The following LRRC49 variants were observed in gnomAD, a reference collection of about 807,000 sequenced individuals.
The protein encoded by LRRC49 is leucine-rich repeat-containing protein 49.
Under a neutral mutation model 83.3 loss-of-function variants are expected in LRRC49, and 50 were observed. The ratio of observed to expected loss-of-function variants is 0.60; its 90% CI spans 0.48 to 0.76. The LOEUF (loss-of-function observed/expected upper bound fraction) is 0.76. Ranked by LOEUF, LRRC49 falls within the 30% of genes least tolerant of loss-of-function variation. The pLI is 0.00. For synonymous variants in LRRC49, 286 were observed against 283.3 expected, an observed-to-expected ratio of 1.01 and a Z score of -0.10; for missense variants, 704 against 809.1, an observed-to-expected ratio of 0.87 and a Z score of 1.58.
intron 2 of LRRC49, chr15:70,882,316 G>A (rs2033283000): frequency 3.3e-5 from 24 of 719,452 alleles, no homozygotes; most frequent in Non-Finnish European, 5.4e-5. Context: ...GCAAACTTTT[G>A]CCTTAGAGCT....
At chr15:70,940,882 A>G (rs1466138205) in intron 8 of LRRC49, among the ~76,000 whole-genome samples, 1 of 152,220 alleles carries the variant, frequency 6.6e-6, no homozygotes, top group Non-Finnish European at 1.5e-5. Flanking sequence ...TTATCTACTG[A>G]ACTCCTCTTG....
chr15:70,986,708 G>C (rs1459773105), intron 11 of LRRC49, among the ~76,000 whole-genome samples: 1 of 152,154 alleles, frequency 6.6e-6, no homozygotes, highest in East Asian at 1.9e-4. Context: ...TCCCTGTCTT[G>C]TGCCAGTTTT....
At chr15:70,893,515 T>C (rs1041735980) in intron 1 of LRRC49, 69 bp from the exon 2 acceptor site, 2 of 81,994 alleles carry the variant, frequency 2.4e-5, no homozygotes, top group Non-Finnish European at 1.9e-5. Context: ...TGTTTGTACC[T>C]TTTTTTTTTT....
intron 9 of LRRC49, among the ~76,000 whole-genome samples, chr15:70,977,315 C>T (rs1478672108): frequency 1.3e-5 from 2 of 152,116 alleles, no homozygotes; most frequent in Non-Finnish European, 2.9e-5. Context: ...TTTATTTCTC[C>T]TCATTACCTC....
In LRRC49 at chr15:70,864,598, C is replaced by T. The variant is rs145924603; in HGVS notation, c.-298-8310C>T. ...AGGCACCACTCTTCTGTCCTTTAAA[C>T]GTGCAGTTTCAGATGCGTGACATGC... On this transcript the variant is annotated intron_variant, in intron 1 of 16. Coordinates refer to the LRRC49 transcript ENST00000544974. Among the ~76,000 whole-genome samples the T allele has an allele frequency of 6.6e-5, 10 of 152,308 alleles. No homozygotes were observed. The East Asian group carries it at 1.2e-3, about 18-fold the overall frequency.
At chr15:70,950,097 G>A (rs1414191780) in intron 8 of LRRC49, among the ~76,000 whole-genome samples, 1 of 152,066 alleles carries the variant, frequency 6.6e-6, no homozygotes, top group East Asian at 1.9e-4. Context: ...GTTTGCTTAG[G>A]ATAATGTCCT....
chr15:70,872,534 T>C (rs2033071411), intron 1 of LRRC49, among the ~76,000 whole-genome samples: 1 of 152,154 alleles, frequency 6.6e-6, no homozygotes, highest in South Asian at 2.1e-4. Flanking sequence ...GAATAAGTGC[T>C]TGGGAAGTAA....
At chr15:71,001,982 T>C (rs962355756) in intron 11 of LRRC49, among the ~76,000 whole-genome samples, 1 of 152,192 alleles carries the variant, frequency 6.6e-6, no homozygotes, top group African/African-American at 2.4e-5. Context: ...TGAGCCACCG[T>C]GCCCGGCTGT....
At chr15:70,869,583 G>A (rs987321817) in intron 1 of LRRC49, among the ~76,000 whole-genome samples, 2 of 152,150 alleles carry the variant, frequency 1.3e-5, no homozygotes, top group African/African-American at 4.8e-5. Context: ...TGTGCAAGCA[G>A]AGGAGGCTAC....
intron 11 of LRRC49, among the ~76,000 whole-genome samples, chr15:70,994,997 A>G (rs2038027778): frequency 6.6e-6 from 1 of 152,350 alleles, no homozygotes; most frequent in South Asian, 2.1e-4. Flanking sequence ...GTTAGAGACC[A>G]TGAAATTATA....
intron 9 of LRRC49, among the ~76,000 whole-genome samples, chr15:70,974,963 A>G (rs2037154524): frequency 6.6e-6 from 1 of 152,262 alleles, no homozygotes; most frequent in African/African-American, 2.4e-5. Flanking sequence ...ATACAAGATT[A>G]GACTTAGCAG....
At chr15:70,943,509 T>C (rs2035896569) in intron 8 of LRRC49, among the ~76,000 whole-genome samples, 2 of 152,194 alleles carry the variant, frequency 1.3e-5, no homozygotes, top group South Asian at 4.1e-4. Context: ...TCCCAGGTCT[T>C]GCATCCCTTC....
At chr15:70,985,324 A>C (rs2037565878) in intron 11 of LRRC49, among the ~76,000 whole-genome samples, 1 of 151,544 alleles carries the variant, frequency 6.6e-6, no homozygotes, top group Non-Finnish European at 1.5e-5. Context: ...TTGCCATTCT[A>C]ACTGGTGTGA....
chr15:70,927,288 A>G (rs867121173), intron 7 of LRRC49, among the ~76,000 whole-genome samples: 2 of 152,136 alleles, frequency 1.3e-5, no homozygotes, highest in South Asian at 4.1e-4. Flanking sequence ...CTTTTCAAGC[A>G]TCTTTTCATC....
chr15:70,955,923 A>G (rs2036384487), intron 8 of LRRC49, among the ~76,000 whole-genome samples: 1 of 152,168 alleles, frequency 6.6e-6, no homozygotes, highest in African/African-American at 2.4e-5. Flanking sequence ...AGTCCTTGTG[A>G]GCACGCTTGA....
intron 14 of LRRC49, among the ~76,000 whole-genome samples, chr15:71,014,858 A>G (rs995926760): frequency 6.6e-6 from 1 of 152,210 alleles, no homozygotes; most frequent in South Asian, 2.1e-4. Context: ...GAGGATTTGC[A>G]TAACATAGTT....
At chr15:70,984,850 G>A (rs1420991271) in intron 11 of LRRC49, among the ~76,000 whole-genome samples, 1 of 145,314 alleles carries the variant, frequency 6.9e-6, no homozygotes, top group Non-Finnish European at 1.5e-5. Context: ...TCATTGTTCA[G>A]TTCCCACCTA....
At chr15:70,892,316 C>T (rs139121269), upstream of LRRC49, 3 of 1,550,038 alleles carry the variant, frequency 1.9e-6, no homozygotes, top group East Asian at 2.4e-5. Context: ...CCTGGACCTT[C>T]GCCCTTGGGC....
chr15:70,905,989 A>C (rs1221853964), intron 5 of LRRC49, among the ~76,000 whole-genome samples: 2 of 152,094 alleles, frequency 1.3e-5, no homozygotes, highest in Admixed American at 1.3e-4. Context: ...GAGCTTAGGA[A>C]AAGTATCTTA....
Sources: allele counts gnomAD v4.1 joint callset (sites outside exome capture counted in the v4.1 genomes callset), GRCh38; gene constraint gnomAD v4.1.1; transcripts MANE v1.5; gene names NCBI Gene and HGNC (gene_info 2026-07-23, HGNC 2026-07-21).